Variants in COL17A1 observed in about 807,000 individuals in gnomAD.
The protein encoded by COL17A1 is collagen type XVII alpha 1 chain.
A neutral mutation model predicts 218.4 loss-of-function variants in COL17A1; 181 were observed. The observed-to-expected ratio is 0.83, with a 90% confidence interval of 0.73 to 0.94. COL17A1 has a LOEUF of 0.94. COL17A1 is among the 40% of genes least tolerant of loss of function. The pLI is 0.00. For synonymous variants in COL17A1, 721 were observed against 731.0 expected (o/e 0.99, Z 0.22); for missense variants, 1,924 against 1,945.9 (o/e 0.99, Z 0.21).
At chr10:104,048,677 A>G (rs1333687716) in intron 29 of COL17A1, among the ~76,000 whole-genome samples, 3 of 152,198 alleles carry the variant, frequency 2.0e-5, no homozygotes, top group Non-Finnish European at 4.4e-5. Flanking sequence ...TTGTCACCTC[A>G]TGCAAGTCTT....
intron 10 of COL17A1, 105 bp downstream of exon 10, chr10:104,064,333 C>A (rs2086607845): frequency 1.3e-6 from 2 of 1,575,320 alleles, no homozygotes; most frequent in Non-Finnish European, 1.7e-6. Context: ...GAAAGCCTCT[C>A]CAGGAGGCCC....
rs774052856 is a variant in COL17A1 at position 104,048,087 on chromosome 10, C to T, written c.2245G>A (p.Gly749Arg). The change falls in exon 30 of 56, where the codon GGA (glycine) becomes AGA (arginine). Residue 749 changes from glycine to arginine, a missense_variant. Coordinates refer to ENST00000648076, the MANE Select transcript of COL17A1 (RefSeq NM_000494.4). ...KGAMGPAGPD[G>R]HQGPRGEQGL... ...GACCAACCTCTTGGGCCTTGGTGTC[C>T]GTCTGGGCCAGCAGGACCTGGTAAA... 1.1e-5 allele frequency: 18 copies of T among 1,614,032 alleles called. No homozygotes were observed. The highest frequency in any genetic ancestry group is 2.2e-5 in the South Asian group (2 of 91,082).
Position 104,032,136 on chromosome 10 carries a change from G to T in COL17A1, c.*99C>A. ...TAGGTTGGCTGTGCTGTCTCAGTAG[G>T]ACATTGACAGACTCCAGCTTTCACC... On this transcript the variant is annotated 3_prime_UTR_variant, in exon 56 of 56. Coordinates refer to ENST00000648076, the MANE Select transcript of COL17A1 (RefSeq NM_000494.4). 2.2e-6 allele frequency: 2 copies of T among 895,562 alleles called. No individual in the cohort carries two copies. The highest frequency in any genetic ancestry group is 1.9e-6 in the Non-Finnish European group (1 of 536,074). 55.5% of individuals were successfully genotyped at this position (895,562 alleles called of 1,614,324 possible).
Position 104,058,051 on chromosome 10 carries a change from T to C in COL17A1, c.1267+95A>G, listed in dbSNP as rs538639568. 2.6e-6 allele frequency: 4 copies of C among 1,567,678 alleles called. No individual in the cohort carries two copies. The East Asian group carries it at 9.0e-5, about 35-fold the overall frequency. On this transcript the variant is annotated intron_variant, in intron 16 of 55. Coordinates refer to ENST00000648076, the MANE Select transcript of COL17A1 (RefSeq NM_000494.4). ...TTAGAGTCTGGTGGCTTCTGTGCAC[T>C]GCACTGCTTCCAGGCGAGGGACCAT...
chr10:104,071,953 C>A (rs1455809126), intron 8 of COL17A1, 79 bp downstream of exon 8: 1 of 1,582,502 alleles, frequency 6.3e-7, no homozygotes, highest in Non-Finnish European at 8.7e-7. Flanking sequence ...CACACACACG[C>A]ATGCACACAC....
In COL17A1 at chr10:104,034,632, C is replaced by T; in HGVS notation, c.3755G>A (p.Ser1252Asn). Residue 1252 changes from serine to asparagine, a missense_variant, in exon 51 of 56, where the codon AGC becomes AAC. Ser to Asn is a conservative substitution (Grantham distance 46). Transcript: ENST00000648076. ...GTCGGGGCACCTACTTGTGAGGTAG[C>T]TGATCAGCTCGCTCCGGAAGCTGTC... is the stretch of plus-strand genomic sequence containing the variant. ...NSDSFRSELI[S>N]YLTSPDVRSF... 3 of 1,610,166 alleles carry T rather than the reference C, an allele frequency of 1.9e-6. No homozygotes were observed. The highest frequency in any genetic ancestry group is 2.5e-6 in the Non-Finnish European group (3 of 1,178,404).
chr10:104,055,685 C>G (rs770861512), intron 18 of COL17A1, 97 bp downstream of exon 18: 48 of 1,512,438 alleles, frequency 3.2e-5, no homozygotes, highest in Non-Finnish European at 3.8e-5. Context: ...GAGAGTGGGC[C>G]GGATGATGGT....
rs41290934 is a variant in COL17A1 at position 104,041,472 on chromosome 10, C to T, written c.2605+13G>A. ...CAAACTCCCCACCTTCCAAAGGTCT[C>T]CAAGATACTCACCTGGTGGCCCGCG... On this transcript the variant is annotated intron_variant, in intron 37 of 55. Coordinates refer to ENST00000648076, the MANE Select transcript of COL17A1 (RefSeq NM_000494.4). 6.4e-3 allele frequency: 10,343 copies of T among 1,612,432 alleles called. 51 individuals carry two copies. The highest frequency in any genetic ancestry group is 0.02 in the Middle Eastern group (120 of 6,056).
At chr10:104,058,091 G>C in intron 16 of COL17A1, 55 bp downstream of exon 16, 1 of 1,611,184 alleles carries the variant, frequency 6.2e-7, no homozygotes, top group Non-Finnish European at 8.5e-7. Flanking sequence ...TGGTCCATTA[G>C]CCATAAGCAG....
intron 29 of COL17A1, 55 bp from the exon 30 acceptor site, chr10:104,048,159 C>T: frequency 6.3e-7 from 1 of 1,586,602 alleles, no homozygotes; most frequent in East Asian, 2.2e-5. Flanking sequence ...TTCTGCGATT[C>T]CTCCCTCTAC....
intron 33 of COL17A1, among the ~76,000 whole-genome samples, chr10:104,044,646 C>T (rs2086391829): frequency 6.6e-6 from 1 of 152,156 alleles, no homozygotes; most frequent in Admixed American, 6.5e-5. Context: ...GGCTCATGAA[C>T]AAGACGGGAG....
At chr10:104,048,757 G>C (rs922883407) in intron 29 of COL17A1, among the ~76,000 whole-genome samples, 4 of 152,090 alleles carry the variant, frequency 2.6e-5, no homozygotes. Context: ...CTGGGGAAGT[G>C]AACGAGAGTA....
At position 104,058,207 on chromosome 10, in the gene COL17A1, A is replaced by C; in HGVS notation, c.1223-17T>G. ...TCAGGTCTCCTGAAAGGACAAACAG[A>C]TTGACCTGAGCTTTTAAACTGGAGG... On this transcript the variant is annotated splice_polypyrimidine_tract_variant and intron_variant, in intron 15 of 55. Coordinates refer to ENST00000648076, the MANE Select transcript of COL17A1 (RefSeq NM_000494.4). 1 of 1,614,144 alleles carries C rather than the reference A, an allele frequency of 6.2e-7. No homozygotes were observed. Among genetic ancestry groups the C allele is most frequent in the Non-Finnish European group, 8.5e-7 (1 of 1,180,004 alleles).
Position 104,070,418 on chromosome 10 carries a change from A to C in COL17A1, c.607+8T>G. On this transcript the variant is annotated splice_region_variant and intron_variant, in intron 9 of 55. Transcript: ENST00000648076. ...ACACTCCTCGGCAGCCTGGGCTGTC[A>C]GACTTACCCGACTGGGAGCTCGCTG... The C allele has an allele frequency of 2.5e-6, 4 of 1,613,210 alleles. No homozygotes were observed. Among genetic ancestry groups the C allele is most frequent in the Non-Finnish European group, 3.4e-6 (4 of 1,180,010 alleles).
At chr10:104,074,441 C>T (rs1484399590) in intron 5 of COL17A1, among the ~76,000 whole-genome samples, 1 of 152,196 alleles carries the variant, frequency 6.6e-6, no homozygotes. Flanking sequence ...CAGCACTTTG[C>T]TCTGGTCAAG....
Position 104,077,479 on chromosome 10 carries a change from C to G in COL17A1, c.145G>C (p.Gly49Arg). The G allele has an allele frequency of 4.3e-6, 7 of 1,613,640 alleles. No homozygotes were observed. Among genetic ancestry groups the G allele is most frequent in the South Asian group, 1.1e-5 (1 of 90,866 alleles). Residue 49 changes from glycine to arginine, a missense_variant, in exon 4 of 56, where the codon GGG (glycine) becomes CGG (arginine). By Grantham distance (125) the Gly-to-Arg change is moderately radical (BLOSUM62 -2). Transcript: ENST00000648076. Reference protein sequence around the residue: ...GYAKTASLGGGSRLEKQSLTH... With the variant: ...GYAKTASLGGRSRLEKQSLTH... ...AGGCTTTGTTTCTCCAGCCGGCTCC[C>G]TCCACCAAGAGAGGCTGTTTTAGCA...
chr10:104,077,324 C>A (rs965873962), intron 4 of COL17A1, 98 bp downstream of exon 4: 92 of 925,048 alleles, frequency 9.9e-5, no homozygotes, highest in Non-Finnish European at 1.3e-4. Context: ...TGCACTGATT[C>A]AAAATTGTGT....
intron 23 of COL17A1, 99 bp downstream of exon 23, chr10:104,052,932 G>A (rs2274101): frequency 7.9e-5 from 111 of 1,402,826 alleles, no homozygotes; most frequent in Non-Finnish European, 9.4e-5. Context: ...ATGAAGGAAG[G>A]GGGGAGAAAC....
chr10:104,037,713 G>T lies in COL17A1; in HGVS notation c.3131C>A (p.Pro1044Gln), dbSNP rs1186472503. 4 of 1,614,124 alleles carry T rather than the reference G, an allele frequency of 2.5e-6. No homozygotes were observed. Among genetic ancestry groups the T allele is most frequent in the South Asian group, 1.1e-5 (1 of 91,080 alleles). ...VQGPPGPPGP[P>Q]GPVTTITGET... The stretch of plus-strand genomic sequence containing the variant: ...GCCTGTGATGGTGGTGACAGGTCCT[G>T]GGGGACCAGGTGGGCCTGGGGGACC... The change falls in exon 46 of 56, where the codon CCA (proline) becomes CAA (glutamine). Residue 1044 changes from proline to glutamine, a missense_variant. By Grantham distance (76) the Pro-to-Gln change is moderately conservative. Coordinates refer to ENST00000648076, the MANE Select transcript of COL17A1 (RefSeq NM_000494.4).
Sources: allele counts gnomAD v4.1 joint callset (sites outside exome capture counted in the v4.1 genomes callset), GRCh38; gene constraint gnomAD v4.1.1; transcripts MANE v1.5; gene names NCBI Gene and HGNC (gene_info 2026-07-23, HGNC 2026-07-21).